IL1RAPL2: variants seen among roughly 807,000 people sequenced by gnomAD.
IL1RAPL2 encodes X-linked interleukin-1 receptor accessory protein-like 2.
A neutral mutation model predicts 44.1 loss-of-function variants in IL1RAPL2; 3 were observed. That is an observed-to-expected ratio of 0.07 (90% CI 0.03 to 0.18). The LOEUF (loss-of-function observed/expected upper bound fraction) is 0.18, where lower values mean the gene tolerates loss of function less well. Ranked by LOEUF, IL1RAPL2 falls within the 10% of genes least tolerant of loss-of-function variation. IL1RAPL2 has a pLI of 1.00. For missense variants in IL1RAPL2, 391 were observed against 496.4 expected (o/e 0.79, Z 2.02); for synonymous variants, 181 against 178.8 (o/e 1.01, Z -0.10).
intron 5 of IL1RAPL2, among the ~76,000 whole-genome samples, chrX:105,420,304 A>T (rs1251039920): frequency 8.9e-6 from 1 of 112,293 alleles, no homozygotes; most frequent in Non-Finnish European, 1.9e-5. Flanking sequence ...CTACTGATCT[A>T]ATTCAACTCC....
At chrX:105,323,481 G>T (rs1416581819) in intron 5 of IL1RAPL2, among the ~76,000 whole-genome samples, 1 of 111,593 alleles carries the variant, frequency 9.0e-6, no homozygotes, top group Non-Finnish European at 1.9e-5. Context: ...TTCCATACAG[G>T]AATATAATTA....
At chrX:104,657,917 A>T (rs1329658005) in intron 1 of IL1RAPL2, among the ~76,000 whole-genome samples, 1 of 112,428 alleles carries the variant, frequency 8.9e-6, no homozygotes, top group Non-Finnish European at 1.9e-5. Flanking sequence ...CCACAATGAG[A>T]TACCATCTCA....
intron 2 of IL1RAPL2, among the ~76,000 whole-genome samples, chrX:105,151,011 A>G (rs941060011): frequency 2.7e-5 from 3 of 112,340 alleles, no homozygotes; most frequent in African/African-American, 6.5e-5. Flanking sequence ...AAAGTTTGCT[A>G]TATATTTTCA....
At chrX:105,383,545 T>C (rs969558595) in intron 5 of IL1RAPL2, among the ~76,000 whole-genome samples, 2 of 112,434 alleles carry the variant, frequency 1.8e-5, no homozygotes, top group African/African-American at 6.4e-5. Flanking sequence ...AGCTTGGCTA[T>C]TGAGAAAAGT....
chrX:104,798,183 T>C (rs1367376375), intron 2 of IL1RAPL2, among the ~76,000 whole-genome samples: 8 of 111,863 alleles, frequency 7.2e-5, no homozygotes, highest in Non-Finnish European at 1.5e-4. Context: ...CTCAAAATTC[T>C]GTATCTGAAT....
intron 1 of IL1RAPL2, among the ~76,000 whole-genome samples, chrX:104,620,217 T>C (rs1432128267): frequency 9.0e-6 from 1 of 110,775 alleles, no homozygotes; most frequent in Admixed American, 9.6e-5. Flanking sequence ...TGTGGTGTAA[T>C]TGGGCACAGT....
chrX:105,210,606 A>G (rs1186027881), intron 3 of IL1RAPL2, among the ~76,000 whole-genome samples: 2 of 111,564 alleles, frequency 1.8e-5, no homozygotes, highest in Non-Finnish European at 3.8e-5. Context: ...AAAAAAGCAT[A>G]TGGCCCCAAA....
intron 5 of IL1RAPL2, among the ~76,000 whole-genome samples, chrX:105,422,623 A>AG (rs928261391): frequency 1.8e-5 from 2 of 112,145 alleles, no homozygotes; most frequent in African/African-American, 6.5e-5. Flanking sequence ...AGTATAATAA[A>AG]TTGTTAAAAG....
rs1029019169 is a variant in IL1RAPL2, at chrX:104,880,775, T to A, written c.82+221780T>A. On this transcript the variant is annotated intron_variant, in intron 2 of 10. Coordinates refer to ENST00000372582, the MANE Select transcript of IL1RAPL2 (RefSeq NM_017416.2). ...GATAGAATTGTAGTATCTTACAAAT[T>A]AAAATTTCTGTCACAAAACTATACC... Among the ~76,000 whole-genome samples the A allele has an allele frequency of 4.4e-5, 5 of 112,573 alleles. No individual in the cohort carries two copies. The East Asian group carries it at 1.4e-3, about 31-fold the overall frequency.
intron 5 of IL1RAPL2, among the ~76,000 whole-genome samples, chrX:105,439,479 C>T (rs1390855561): frequency 1.1e-5 from 1 of 94,009 alleles, no homozygotes; most frequent in Non-Finnish European, 2.0e-5. Context: ...ATCAGAAGTG[C>T]CCAAGACCGT....
At chrX:105,036,878 T>A (rs1296103697) in intron 2 of IL1RAPL2, among the ~76,000 whole-genome samples, 2 of 104,869 alleles carry the variant, frequency 1.9e-5, no homozygotes, top group Admixed American at 2.1e-4. Context: ...AGCTCATAGA[T>A]GTCTACATAA....
At position 104,919,594 on chromosome X, in the gene IL1RAPL2, G is replaced by A. The variant is rs772572147; in HGVS notation, c.82+260599G>A. Among the ~76,000 whole-genome samples the A allele has an allele frequency of 7.7e-5, 8 of 103,380 alleles. No homozygotes were observed. In the South Asian group the frequency reaches 1.9e-3, roughly 24 times the overall value. 89.8% of individuals were successfully genotyped at this position (103,380 alleles called of 115,157 possible). ...CGCCCAGGCTAGAGTGCAGTGGTGC[G>A]ATCTTGGCTCACTGCAACCTCCCCC... On this transcript the variant is annotated intron_variant, in intron 2 of 10. Coordinates refer to ENST00000372582, the MANE Select transcript of IL1RAPL2 (RefSeq NM_017416.2).
At chrX:105,548,601 TAGAG>T (rs2036826212) in intron 6 of IL1RAPL2, among the ~76,000 whole-genome samples, 1 of 111,867 alleles carries the variant, frequency 8.9e-6, no homozygotes, top group African/African-American at 3.2e-5. Context: ...CTTGAAGTCA[TAGAG>T]AGCAAATCCA....
intron 5 of IL1RAPL2, among the ~76,000 whole-genome samples, chrX:105,324,120 TC>T (rs1459538739): frequency 9.0e-6 from 1 of 110,904 alleles, no homozygotes; most frequent in Non-Finnish European, 1.9e-5. Flanking sequence ...AGCAGTGTGG[TC>T]AGATCAGATT....
intron 2 of IL1RAPL2, among the ~76,000 whole-genome samples, chrX:104,823,872 C>A (rs1186565745): frequency 8.9e-6 from 1 of 111,825 alleles, no homozygotes; most frequent in Non-Finnish European, 1.9e-5. Flanking sequence ...ATTTGCATAC[C>A]GTTTATTTCT....
rs748285618 is a variant in IL1RAPL2, at chrX:104,740,487, T to A, written c.82+81492T>A. On this transcript the variant is annotated intron_variant, in intron 2 of 10. Coordinates refer to ENST00000372582, the MANE Select transcript of IL1RAPL2 (RefSeq NM_017416.2). ...GTTAGATTTATCTCCTCTATGTACG[T>A]TTTCAAAGTAATAACCTGAGCTTTA... 2.7e-5 allele frequency among the ~76,000 whole-genome samples: 3 copies of A among 111,302 alleles called. No individual in the cohort carries two copies. The South Asian group carries it at 1.1e-3, about 42-fold the overall frequency.
At chrX:104,882,956 C>T (rs1017182024) in intron 2 of IL1RAPL2, among the ~76,000 whole-genome samples, 12 of 111,433 alleles carry the variant, frequency 1.1e-4, no homozygotes, top group Non-Finnish European at 1.1e-4. Flanking sequence ...TCTGCGGCTT[C>T]ACTCCTGGTC....
intron 2 of IL1RAPL2, among the ~76,000 whole-genome samples, chrX:104,846,027 A>G (rs1922042168): frequency 9.0e-6 from 1 of 111,305 alleles, no homozygotes; most frequent in African/African-American, 3.3e-5. Context: ...ATTAAGTTCA[A>G]ATTTGTCTGT....
At chrX:105,177,634 T>A (rs903130813) in intron 2 of IL1RAPL2, among the ~76,000 whole-genome samples, 1 of 110,892 alleles carries the variant, frequency 9.0e-6, no homozygotes, top group Admixed American at 9.6e-5. Context: ...ACTCTCTGAA[T>A]GGCCCTAGAA....
Sources: allele counts gnomAD v4.1 joint callset (sites outside exome capture counted in the v4.1 genomes callset), GRCh38; gene constraint gnomAD v4.1.1; transcripts MANE v1.5; gene names NCBI Gene and HGNC (gene_info 2026-07-23, HGNC 2026-07-21).